The following ANO1 variants were observed in gnomAD, a reference collection of about 807,000 sequenced individuals.
The protein encoded by ANO1 is anoctamin 1.
ANO1 carries 59 observed loss-of-function variants against 124.0 expected under a neutral mutation model. That is an observed-to-expected ratio of 0.48 (90% confidence interval 0.39 to 0.59). The LOEUF (loss-of-function observed/expected upper bound fraction) is 0.59, where lower values mean the gene tolerates loss of function less well. ANO1 is among the 20% of genes least tolerant of loss of function. The pLI, the probability that ANO1 is intolerant of heterozygous loss-of-function variation, is 0.00. For synonymous variants in ANO1, 529 were observed against 532.0 expected (o/e 0.99, Z 0.08); for missense variants, 1,059 against 1,328.0 (o/e 0.80, Z 3.15).
At chr11:69,980,169 C>G in the ANO1 span, among the ~76,000 whole-genome samples, 1 of 152,044 alleles carries the variant, frequency 6.6e-6, no homozygotes, top group Non-Finnish European at 1.5e-5. Flanking sequence ...GAGGCCAGTC[C>G]CAAAAAGATA....
upstream of ANO1, among the ~76,000 whole-genome samples, chr11:69,982,532 C>T (rs1406081669): frequency 1.3e-5 from 2 of 152,214 alleles, no homozygotes; most frequent in Non-Finnish European, 2.9e-5. Context: ...AATAATAATG[C>T]CCTCTAATCC....
chr11:70,150,056 C>T (rs992104241), intron 12 of ANO1, among the ~76,000 whole-genome samples: 9 of 152,206 alleles, frequency 5.9e-5, no homozygotes. Flanking sequence ...CAGCCACCAG[C>T]GTGGTCTCAG....
chr11:69,980,857 T>G, the ANO1 span, among the ~76,000 whole-genome samples: 5 of 152,038 alleles, frequency 3.3e-5, no homozygotes, highest in East Asian at 9.7e-4. Flanking sequence ...ATCGAGACCA[T>G]CCTGGCCAAC....
At chr11:69,967,703 A>G in the ANO1 span, among the ~76,000 whole-genome samples, 7,288 of 152,342 alleles carry the variant, frequency 0.048, 195 homozygotes, top group Middle Eastern at 0.085. Flanking sequence ...GGCCTGGAGA[A>G]ATCCAGTCAC....
At chr11:69,989,834 T>C (rs1032988873) in intron 1 of ANO1, among the ~76,000 whole-genome samples, 1 of 152,092 alleles carries the variant, frequency 6.6e-6, no homozygotes, top group Non-Finnish European at 1.5e-5. Context: ...ACATGGAATG[T>C]AGGGGCTGAG....
chr11:69,980,455 C>T, the ANO1 span, among the ~76,000 whole-genome samples: 4 of 151,950 alleles, frequency 2.6e-5, no homozygotes, highest in South Asian at 2.1e-4. Context: ...CCCGTCTCTA[C>T]TAAAAAATAC....
intron 1 of ANO1, among the ~76,000 whole-genome samples, chr11:70,052,873 A>G (rs1416545001): frequency 5.3e-5 from 8 of 152,028 alleles, no homozygotes; most frequent in Non-Finnish European, 1.0e-4. Flanking sequence ...TAATGGTTAT[A>G]CTATATTGAG....
chr11:70,090,300 C>A lies in ANO1; in HGVS notation c.441+2216C>A, dbSNP rs111333790. ...GGGATTACAGGCGTGAGCCACCGCG[C>A]CTGGCCCCTCCCCAGGGGATTTTAC... On this transcript the variant is annotated intron_variant, in intron 2 of 25. Coordinates refer to ENST00000355303, the MANE Select transcript of ANO1 (RefSeq NM_018043.7). Among the ~76,000 whole-genome samples, 439 of 152,358 alleles carry A rather than the reference C, an allele frequency of 2.9e-3. 3 individuals are homozygous for A. Among genetic ancestry groups the A allele is most frequent in the African/African-American group, 1.0e-2 (415 of 41,586 alleles).
chr11:70,143,483 G>A (rs2047232976), intron 11 of ANO1, among the ~76,000 whole-genome samples: 1 of 152,296 alleles, frequency 6.6e-6, no homozygotes, highest in Admixed American at 6.5e-5. Flanking sequence ...ATGGATGGAG[G>A]GATGGTTGGA....
intron 1 of ANO1, among the ~76,000 whole-genome samples, chr11:70,027,778 G>T (rs781857902): frequency 2.0e-5 from 3 of 152,212 alleles, no homozygotes; most frequent in Non-Finnish European, 4.4e-5. Context: ...CTTCCTAGGG[G>T]TGGAACACGC....
At chr11:70,100,059 T>C (rs575204461) in intron 2 of ANO1, among the ~76,000 whole-genome samples, 1 of 152,076 alleles carries the variant, frequency 6.6e-6, no homozygotes, top group South Asian at 2.1e-4. Flanking sequence ...CCTACAAGGG[T>C]CCCCACGCCG....
At position 70,087,812 on chromosome 11, in the gene ANO1, G is replaced by C; in HGVS notation, c.169G>C (p.Asp57His). The C allele has an allele frequency of 6.2e-7, 1 of 1,613,050 alleles. No homozygotes were observed. The highest frequency in any genetic ancestry group is 8.5e-7 in the Non-Finnish European group (1 of 1,179,706). The change falls in exon 2 of 26, where the codon GAC (aspartate) becomes CAC (histidine). Residue 57 changes from aspartate (D) to histidine (H), a missense_variant. This residue lies in a region of ANO1 where 250 missense variants were observed against 233.1 expected (regional missense o/e 1.07). Transcript: ENST00000355303. The stretch of plus-strand genomic sequence containing the variant: ...GTGCAAGTATGGCCTGTACTTCAGG[G>C]ACGGCCGGCGCAAGGTGGACTACAT... ...AECKYGLYFR[D>H]GRRKVDYILV...
chr11:70,042,531 G>C (rs1555005166), intron 1 of ANO1, among the ~76,000 whole-genome samples: 1 of 151,502 alleles, frequency 6.6e-6, no homozygotes, highest in Non-Finnish European at 1.5e-5. Context: ...GAGAGAGAGA[G>C]AGAGAGATTG....
At chr11:70,003,854 C>G (rs1856432716) in intron 1 of ANO1, among the ~76,000 whole-genome samples, 1 of 152,134 alleles carries the variant, frequency 6.6e-6, no homozygotes, top group African/African-American at 2.4e-5. Flanking sequence ...TGGATGGCTA[C>G]CTGTGGACAC....
intron 1 of ANO1, among the ~76,000 whole-genome samples, chr11:70,045,718 C>A (rs11237748): frequency 0.027 from 4,035 of 152,192 alleles, 154 homozygotes; most frequent in East Asian, 0.16. Context: ...CCCACAATAT[C>A]CACGTGAAAA....
chr11:70,075,904 T>C (rs2044050650), upstream of ANO1, among the ~76,000 whole-genome samples: 1 of 152,182 alleles, frequency 6.6e-6, no homozygotes, highest in South Asian at 2.1e-4. Context: ...CTACAGGAAT[T>C]CTTTTCCCGC....
chr11:70,156,897 G>T lies in ANO1; in HGVS notation c.1504-50G>T, dbSNP rs756688049. Reference sequence around the variant, plus strand: ...TGCACCCACGCTGACACACAGAGATGTCTCATCGTGATGGTTCCAGACAGT... The same window carrying T: ...TGCACCCACGCTGACACACAGAGATTTCTCATCGTGATGGTTCCAGACAGT... On this transcript the variant is annotated intron_variant, in intron 15 of 25. Transcript: ENST00000355303. 11 of 1,561,706 alleles carry T rather than the reference G, an allele frequency of 7.0e-6. No individual in the cohort carries two copies. In the African/African-American group the frequency reaches 1.5e-4, roughly 21 times the overall value.
In ANO1 at chr11:70,103,177, G is replaced by C. The variant is rs369621003; in HGVS notation, c.540+13G>C. 1.9e-6 allele frequency: 3 copies of C among 1,600,942 alleles called. No homozygotes were observed. In the African/African-American group the frequency reaches 4.0e-5, roughly 21 times the overall value. ...GCCGACGAAGAAGGTTGGTGTTGAT[G>C]GTCCTGCTCCGAAATGAATCGCCAA... On this transcript the variant is annotated intron_variant, in intron 3 of 25. Transcript: ENST00000355303.
chr11:70,008,303 A>T (rs568999351), intron 1 of ANO1, among the ~76,000 whole-genome samples: 1 of 152,324 alleles, frequency 6.6e-6, no homozygotes, highest in South Asian at 2.1e-4. Flanking sequence ...GTGGTCTCAT[A>T]TCCAAGAAAC....
Sources: allele counts gnomAD v4.1 joint callset (sites outside exome capture counted in the v4.1 genomes callset), GRCh38; gene constraint gnomAD v4.1.1; regional missense constraint gnomAD v4.1.1; transcripts MANE v1.5; gene names NCBI Gene and HGNC (gene_info 2026-07-23, HGNC 2026-07-21).